Variants in CNIH3 observed in about 807,000 individuals in gnomAD.
CNIH3 encodes the protein protein cornichon homolog 3.
Under a neutral mutation model 24.1 loss-of-function variants are expected in CNIH3, and 14 were observed. The ratio of observed to expected loss-of-function variants is 0.58; its 90% CI spans 0.38 to 0.91. CNIH3 has a LOEUF of 0.91. Among genes scored for constraint, CNIH3 ranks in the 40% least tolerant of loss-of-function variants. CNIH3 has a pLI of 0.00. For synonymous variants in CNIH3, 68 were observed against 73.8 expected (o/e 0.92, Z 0.40); for missense variants, 178 against 196.8 (o/e 0.90, Z 0.57).
downstream of CNIH3, among the ~76,000 whole-genome samples, chr1:224,542,050 A>G (rs1489867175): frequency 6.6e-6 from 1 of 152,188 alleles, no homozygotes; most frequent in African/African-American, 2.4e-5. Flanking sequence ...CAGGGCCTCC[A>G]TAGAATGGCT....
At chr1:224,715,521 T>C (rs1160237593) in intron 3 of CNIH3, among the ~76,000 whole-genome samples, 1 of 152,210 alleles carries the variant, frequency 6.6e-6, no homozygotes, top group East Asian at 1.9e-4. Flanking sequence ...TAGTCTGTTT[T>C]GTGTTACTAT....
At chr1:224,569,366 A>T (rs76296895) in intron 4 of CNIH3, among the ~76,000 whole-genome samples, 3,322 of 152,276 alleles carry the variant, frequency 0.022, 52 homozygotes, top group Non-Finnish European at 0.035. Flanking sequence ...AATTCCTATA[A>T]TAAGAATTAT....
intron 1 of CNIH3, chr1:224,435,156 A>AG: frequency 3.0e-6 from 3 of 985,990 alleles, no homozygotes; most frequent in Non-Finnish European, 3.6e-6. Flanking sequence ...AGGTGCGCGG[A>AG]GGGACTGCAC....
chr1:224,503,173 CTATT>C (rs989224322), intron 1 of CNIH3, among the ~76,000 whole-genome samples: 1 of 152,158 alleles, frequency 6.6e-6, no homozygotes, highest in Non-Finnish European at 1.5e-5. Context: ...ATCCAATACA[CTATT>C]TAGAACACAA....
chr1:224,704,021 A>G lies in CNIH3; in HGVS notation c.198+19178A>G, dbSNP rs1687644712. On this transcript the variant is annotated intron_variant, in intron 3 of 5. Transcript: ENST00000272133. This position sits in a 1 kb window ranked among gnomAD's most constrained non-coding sequence, Gnocchi z 4.2. ...TTCATTGGATTGGATTCTGTAATACATCTCTCAGAGGTGCGCCTTTGGTGG... is the reference window on the plus strand; with the variant it reads ...TTCATTGGATTGGATTCTGTAATACGTCTCTCAGAGGTGCGCCTTTGGTGG... 1.3e-5 allele frequency among the ~76,000 whole-genome samples: 2 copies of G among 149,694 alleles called. No homozygotes were observed. The highest frequency in any genetic ancestry group is 6.6e-5 in the Admixed American group (1 of 15,156).
chr1:224,690,269 C>T (rs1195129970), intron 3 of CNIH3, among the ~76,000 whole-genome samples: 1 of 152,158 alleles, frequency 6.6e-6, no homozygotes, highest in Admixed American at 6.6e-5. Flanking sequence ...GGCACGATCT[C>T]GGCTCACTGC....
At position 224,684,920 on chromosome 1, in the gene CNIH3, G is replaced by A; in HGVS notation, c.198+77G>A. 1.5e-6 allele frequency: 2 copies of A among 1,372,236 alleles called. No homozygotes were observed. The highest frequency in any genetic ancestry group is 2.1e-6 in the Non-Finnish European group (2 of 959,660). 85.0% of individuals were successfully genotyped at this position (1,372,236 alleles called of 1,614,324 possible). On this transcript the variant is annotated intron_variant, in intron 3 of 5. Coordinates refer to ENST00000272133, the MANE Select transcript of CNIH3 (RefSeq NM_152495.2). The surrounding 1 kb of genome is among the most constrained non-coding windows in gnomAD (Gnocchi z 4.2). ...GGCACACAGTGAAAGAGGCTAGTGA[G>A]GCTCTGCCTGCTCCAGTCCTGTCCA...
chr1:224,469,067 A>T (rs891973242), intron 1 of CNIH3, among the ~76,000 whole-genome samples: 1 of 151,094 alleles, frequency 6.6e-6, no homozygotes, highest in Non-Finnish European at 1.5e-5. Context: ...TGGTCATATG[A>T]CTTTTCTTCT....
intron 3 of CNIH3, among the ~76,000 whole-genome samples, chr1:224,605,188 C>T (rs114532101): frequency 0.024 from 3,588 of 152,316 alleles, 127 homozygotes; most frequent in African/African-American, 0.078. Flanking sequence ...TTAATCCTGT[C>T]TGAGAATTTA....
chr1:224,617,255 CG>C lies in CNIH3; in HGVS notation c.81+1del. 1.2e-6 allele frequency: 2 copies of C among 1,613,782 alleles called. No individual in the cohort carries two copies. The highest frequency in any genetic ancestry group is 1.7e-6 in the Non-Finnish European group (2 of 1,179,846). ...CGCTCATCTTCTTCGCCATCTGGCA[CG>C]TGAGTAACACGCTTTGGTCTCTCTT... On this transcript the variant is annotated splice_donor_variant, in intron 1 of 5. Coordinates refer to ENST00000272133, the MANE Select transcript of CNIH3 (RefSeq NM_152495.2). LOFTEE classifies it high-confidence loss of function.
intron 1 of CNIH3, among the ~76,000 whole-genome samples, chr1:224,644,227 T>A (rs1057282141): frequency 6.6e-6 from 1 of 152,194 alleles, no homozygotes; most frequent in Non-Finnish European, 1.5e-5. Flanking sequence ...TGTTTTTGTT[T>A]TGAGACAGTG....
At chr1:224,562,989 T>A (rs1172413387) in intron 3 of CNIH3, among the ~76,000 whole-genome samples, 2 of 152,198 alleles carry the variant, frequency 1.3e-5, no homozygotes, top group East Asian at 3.8e-4. Flanking sequence ...TTTGGGAAAC[T>A]GTTTGCAAAA....
chr1:224,594,828 A>C (rs932564268), intron 3 of CNIH3, among the ~76,000 whole-genome samples: 1 of 152,224 alleles, frequency 6.6e-6, no homozygotes, highest in Non-Finnish European at 1.5e-5. Flanking sequence ...CAGCCCCTGC[A>C]AGGGCAGTCT....
rs538841588 is a variant in CNIH3 at position 224,558,139 on chromosome 1, T to C, written n.451-8060T>C. ...GGAGTCACTCATGTGGCTGTAGCCA[T>C]CTGATGGCTGGATTGGGGTCAACGA... On this transcript the variant is annotated intron_variant and non_coding_transcript_variant, in intron 3 of 5. Transcript: ENST00000471578. 4.6e-5 allele frequency among the ~76,000 whole-genome samples: 7 copies of C among 152,254 alleles called. No homozygotes were observed. In the East Asian group the frequency reaches 1.4e-3, roughly 30 times the overall value.
At chr1:224,619,813 A>G (rs1291381908) in intron 1 of CNIH3, among the ~76,000 whole-genome samples, 1 of 152,242 alleles carries the variant, frequency 6.6e-6, no homozygotes, top group Admixed American at 6.5e-5. Flanking sequence ...AACAACATAT[A>G]GCGGTTAAAA....
intron 1 of CNIH3, among the ~76,000 whole-genome samples, chr1:224,453,506 A>T (rs1675517029): frequency 6.6e-6 from 1 of 152,088 alleles, no homozygotes; most frequent in African/African-American, 2.4e-5. Context: ...CTATGAAACA[A>T]ATCTATTTGG....
intron 2 of CNIH3, among the ~76,000 whole-genome samples, chr1:224,527,147 A>G (rs1180250695): frequency 6.6e-6 from 1 of 152,146 alleles, no homozygotes; most frequent in Non-Finnish European, 1.5e-5. Flanking sequence ...CACTGTGTGT[A>G]TATGCAAAGT....
chr1:224,669,203 C>T (rs1298591904), intron 1 of CNIH3, among the ~76,000 whole-genome samples: 1 of 152,100 alleles, frequency 6.6e-6, no homozygotes, highest in African/African-American at 2.4e-5. Context: ...GGCTTTAGTC[C>T]CAGAGTTGCA....
At chr1:224,729,672 A>T (rs1689218557) in intron 3 of CNIH3, among the ~76,000 whole-genome samples, 1 of 152,028 alleles carries the variant, frequency 6.6e-6, no homozygotes, top group African/African-American at 2.4e-5. Context: ...GTTACCCTTT[A>T]GCTTACAACT....
Sources: gnomAD v4.1 joint callset for allele counts (sites outside exome capture counted in the v4.1 genomes callset) on GRCh38, gnomAD v4.1.1 for gene constraint, Gnocchi (gnomAD v3.1) non-coding constraint, MANE v1.5 for transcripts, NCBI Gene and HGNC (gene_info 2026-07-23, HGNC 2026-07-21) for gene names.